Variants in MEF2C observed in about 807,000 individuals in gnomAD.
MEF2C encodes the protein myocyte-specific enhancer factor 2C.
In MEF2C, 6 loss-of-function variants were observed where a neutral mutation model predicts 50.5. The ratio of observed to expected loss-of-function variants is 0.12; its 90% CI spans 0.07 to 0.23. MEF2C has a LOEUF of 0.23. Among genes scored for constraint, MEF2C ranks in the 10% least tolerant of loss-of-function variants. MEF2C has a pLI of 1.00. For synonymous variants in MEF2C, 183 were observed against 228.0 expected (o/e 0.80, Z 1.78); for missense variants, 276 against 605.0 (o/e 0.46, Z 5.70).
At chr5:88,873,351 GT>G (rs1395537307) in intron 1 of MEF2C, among the ~76,000 whole-genome samples, 1 of 152,048 alleles carries the variant, frequency 6.6e-6, no homozygotes, top group African/African-American at 2.4e-5. Flanking sequence ...AAGGAGGTAA[GT>G]TAGCATCTAA....
intron 1 of MEF2C, among the ~76,000 whole-genome samples, chr5:88,851,185 A>T (rs1821182516): frequency 6.8e-6 from 1 of 147,976 alleles, no homozygotes; most frequent in Admixed American, 6.8e-5. Context: ...GTGAGCCGAG[A>T]TCGCGCAACT....
chr5:88,770,210 T>G (rs927609300), intron 3 of MEF2C, among the ~76,000 whole-genome samples: 1 of 152,230 alleles, frequency 6.6e-6, no homozygotes, highest in East Asian at 1.9e-4. Flanking sequence ...GGCATTTTAC[T>G]TGCAAATGGG....
intron 4 of MEF2C, among the ~76,000 whole-genome samples, chr5:88,757,135 A>G (rs1775729347): frequency 6.6e-6 from 1 of 152,204 alleles, no homozygotes; most frequent in African/African-American, 2.4e-5. Flanking sequence ...AAAAACTTTT[A>G]GTTTCTATCC....
At chr5:88,848,624 A>G (rs1252448960) in intron 1 of MEF2C, among the ~76,000 whole-genome samples, 3 of 152,212 alleles carry the variant, frequency 2.0e-5, no homozygotes. Context: ...GGGTAAGCAC[A>G]TTATAAAAAT....
chr5:88,874,465 A>T (rs1269971916), intron 1 of MEF2C, among the ~76,000 whole-genome samples: 1 of 152,006 alleles, frequency 6.6e-6, no homozygotes, highest in African/African-American at 2.4e-5. Flanking sequence ...TATATATATT[A>T]GCATTTACAA....
Position 88,859,206 on chromosome 5 carries a change from AT to A in MEF2C, c.-143+23748del, listed in dbSNP as rs969218405. Among the ~76,000 whole-genome samples the A allele has an allele frequency of 3.9e-4, 60 of 152,358 alleles. No homozygotes were observed. The Middle Eastern group carries it at 0.01, about 26-fold the overall frequency. On this transcript the variant is annotated intron_variant, in intron 1 of 10. Coordinates refer to ENST00000504921, the MANE Select transcript of MEF2C (RefSeq NM_002397.5). ...TTTAAAAAACTCTTTCCATGAAAAAATAAATTCTGGATTTTCCAACATAACT... is the reference window on the plus strand; with the variant it reads ...TTTAAAAAACTCTTTCCATGAAAAAAAAATTCTGGATTTTCCAACATAACT...
chr5:88,863,893 C>A (rs1196735932), intron 1 of MEF2C, among the ~76,000 whole-genome samples: 1 of 151,266 alleles, frequency 6.6e-6, no homozygotes, highest in East Asian at 2.0e-4. Context: ...ACCATCTCGG[C>A]TCACTGCAAC....
In MEF2C at chr5:88,797,450, C is replaced by T. The variant is rs542985939; in HGVS notation, c.258+7148G>A. On this transcript the variant is annotated intron_variant, in intron 3 of 10. Transcript: ENST00000504921. ...TTTATCACAGACTAGGATTGCAACCCTTGCCTTTTTTTTTTTTTTTTTTTT... is the reference window on the plus strand; with the variant it reads ...TTTATCACAGACTAGGATTGCAACCTTTGCCTTTTTTTTTTTTTTTTTTTT... Among the ~76,000 whole-genome samples the T allele has an allele frequency of 2.4e-4, 22 of 90,972 alleles. 1 individual carries two copies. The South Asian group carries it at 5.2e-3, about 22-fold the overall frequency. 59.7% of individuals were successfully genotyped at this position (90,972 alleles called of 152,430 possible).
chr5:88,882,169 C>A (rs778073648), intron 1 of MEF2C, among the ~76,000 whole-genome samples: 1 of 152,168 alleles, frequency 6.6e-6, no homozygotes, highest in Non-Finnish European at 1.5e-5. Context: ...TGTGCCACAT[C>A]TATATATACT....
intron 3 of MEF2C, among the ~76,000 whole-genome samples, chr5:88,786,220 G>A (rs571070979): frequency 6.6e-6 from 1 of 152,168 alleles, no homozygotes; most frequent in South Asian, 2.1e-4. Flanking sequence ...TTTCAATCTT[G>A]GAAAAATAAA....
At chr5:88,802,477 T>C (rs1420750959) in intron 3 of MEF2C, among the ~76,000 whole-genome samples, 1 of 152,208 alleles carries the variant, frequency 6.6e-6, no homozygotes, top group Admixed American at 6.5e-5. Flanking sequence ...GACAGGGTCT[T>C]GCTCTGTCAC....
At chr5:88,742,368 C>G in intron 6 of MEF2C, 1 of 984,874 alleles carries the variant, frequency 1.0e-6, no homozygotes, top group South Asian at 4.7e-5. Flanking sequence ...CTGAATAAAA[C>G]TAGTATTTCA....
rs1212162482 is a variant in MEF2C at position 88,751,069 on chromosome 5, A to G, written c.589+788T>C. On this transcript the variant is annotated intron_variant, in intron 5 of 10. Transcript: ENST00000504921. The stretch of plus-strand genomic sequence containing the variant: ...TTCAATACGCATTGACTTGGTTCCT[A>G]CTGTTAGTTTAGCAAATCAAGAGAA... 4 of 982,368 alleles carry G rather than the reference A, an allele frequency of 4.1e-6. No homozygotes were observed. In the African/African-American group the frequency reaches 7.0e-5, roughly 17 times the overall value. 60.9% of individuals were successfully genotyped at this position (982,368 alleles called of 1,614,324 possible).
chr5:88,860,711 A>G (rs1431466110), intron 1 of MEF2C, among the ~76,000 whole-genome samples: 3 of 152,180 alleles, frequency 2.0e-5, no homozygotes, highest in African/African-American at 7.2e-5. Flanking sequence ...CTACAGTTTA[A>G]GTAGAGCTTC....
chr5:88,886,755 CT>C (rs1834084139), upstream of MEF2C, among the ~76,000 whole-genome samples: 1 of 151,962 alleles, frequency 6.6e-6, no homozygotes, highest in Non-Finnish European at 1.5e-5. Flanking sequence ...TTGTTTTTCC[CT>C]CAAAAGAATT....
chr5:88,728,911 T>G (rs1760155445), intron 9 of MEF2C, among the ~76,000 whole-genome samples: 1 of 152,300 alleles, frequency 6.6e-6, no homozygotes, highest in African/African-American at 2.4e-5. Context: ...ATGTACATAT[T>G]TGATGATGTA....
intron 3 of MEF2C, among the ~76,000 whole-genome samples, chr5:88,795,005 A>G (rs1198808820): frequency 6.6e-6 from 1 of 151,862 alleles, no homozygotes; most frequent in African/African-American, 2.4e-5. Flanking sequence ...GGTCTGTATA[A>G]CTGTTTTGGT....
chr5:88,804,468 C>T lies in MEF2C; in HGVS notation c.258+130G>A, dbSNP rs935775395. ...AGTAAGAGTTGCGATAGATAATAAT[C>T]CTGGGTCTATCTATGGGACTATGAA... On this transcript the variant is annotated intron_variant, in intron 3 of 10. Transcript: ENST00000504921. 10 of 747,124 alleles carry T rather than the reference C, an allele frequency of 1.3e-5. No individual in the cohort carries two copies. In the African/African-American group the frequency reaches 1.8e-4, roughly 13 times the overall value. The allele number at this position is 747,124 out of a possible 1,614,324, so 46.3% of individuals were successfully genotyped here. A position where few individuals can be genotyped will look rare whatever the true frequency, so the allele number is the denominator to read the frequency against.
At chr5:88,814,411 T>C (rs1004954930) in intron 2 of MEF2C, among the ~76,000 whole-genome samples, 3 of 151,980 alleles carry the variant, frequency 2.0e-5, no homozygotes, top group Non-Finnish European at 4.4e-5. Context: ...AGGGACTCTT[T>C]TAAGCAGACT....
Sources: allele counts gnomAD v4.1 joint callset (sites outside exome capture counted in the v4.1 genomes callset), GRCh38; gene constraint gnomAD v4.1.1; transcripts MANE v1.5; gene names NCBI Gene and HGNC (gene_info 2026-07-23, HGNC 2026-07-21).